Variants in DLC1 observed in about 807,000 individuals in gnomAD.
The protein encoded by DLC1 is rho GTPase-activating protein 7.
DLC1 carries 54 observed loss-of-function variants against 140.3 expected under a neutral mutation model. The ratio of observed to expected loss-of-function variants is 0.38; its 90% CI spans 0.31 to 0.48. The LOEUF (loss-of-function observed/expected upper bound fraction) is 0.48. DLC1 is among the 20% of genes least tolerant of loss of function. The probability of loss-of-function intolerance (pLI) is 0.96; values close to 1 mark genes in which losing one functional copy is unlikely to be tolerated. For missense variants in DLC1, 2,536 were observed against 1,907.0 expected (o/e 1.33, Z -6.14); for synonymous variants, 986 against 728.1 (o/e 1.35, Z -5.70).
In DLC1 at chr8:13,538,489, G is replaced by A. The variant is rs141411152; in HGVS notation, c.-125-38293C>T. Reference sequence around the variant, plus strand: ...TTCGAAGACGAGCAGATATGATGCCGAGATAAGCTGTGTCTCCTCTTGTTC... The same window carrying A: ...TTCGAAGACGAGCAGATATGATGCCAAGATAAGCTGTGTCTCCTCTTGTTC... On this transcript the variant is annotated intron_variant, in intron 1 of 1. Transcript: ENST00000631382. 5.5e-4 allele frequency among the ~76,000 whole-genome samples: 84 copies of A among 152,130 alleles called. 1 individual carries two copies. The East Asian group carries it at 0.015, about 26-fold the overall frequency.
intron 2 of DLC1, among the ~76,000 whole-genome samples, chr8:13,447,938 A>C (rs1029147293): frequency 6.6e-6 from 1 of 152,220 alleles, no homozygotes; most frequent in Non-Finnish European, 1.5e-5. Flanking sequence ...GAGGCTCTGA[A>C]AAATTTAGGA....
intron 5 of DLC1, among the ~76,000 whole-genome samples, chr8:13,171,079 A>C (rs1173383969): frequency 2.0e-5 from 3 of 152,196 alleles, no homozygotes; most frequent in Non-Finnish European, 4.4e-5. Flanking sequence ...AGAGAAACTA[A>C]ATTGCTAAAC....
chr8:13,522,880 T>C (rs1802805989), intron 1 of DLC1, among the ~76,000 whole-genome samples: 1 of 151,968 alleles, frequency 6.6e-6, no homozygotes. Context: ...ATAGATATCT[T>C]GGGTCACAGA....
chr8:13,519,154 G>C (rs982376081), upstream of DLC1, among the ~76,000 whole-genome samples: 1 of 123,980 alleles, frequency 8.1e-6, no homozygotes, highest in South Asian at 2.6e-4. Context: ...CCCAGATGTA[G>C]TCTCACTCTG....
chr8:13,253,962 A>G (rs1830110826), intron 5 of DLC1, among the ~76,000 whole-genome samples: 1 of 152,202 alleles, frequency 6.6e-6, no homozygotes, highest in Non-Finnish European at 1.5e-5. Flanking sequence ...TAGAGTAACC[A>G]TCTAACGTTT....
chr8:13,401,436 C>G (rs777099508), intron 3 of DLC1, 34 bp downstream of exon 3: 1 of 1,608,610 alleles, frequency 6.2e-7, no homozygotes, highest in African/African-American at 1.3e-5. Flanking sequence ...GTTACGACTC[C>G]TATGGGAAAA....
At chr8:13,471,255 T>C (rs535911187) in intron 2 of DLC1, among the ~76,000 whole-genome samples, 4 of 151,552 alleles carry the variant, frequency 2.6e-5, no homozygotes, top group South Asian at 2.1e-4. Context: ...TAGTTAACGA[T>C]ACTGAATTGT....
chr8:13,207,790 C>T (rs1585911690), intron 5 of DLC1, among the ~76,000 whole-genome samples: 1 of 152,134 alleles, frequency 6.6e-6, no homozygotes, highest in Non-Finnish European at 1.5e-5. Flanking sequence ...GTGCTGCTAA[C>T]ATCCCATGAT....
intron 4 of DLC1, among the ~76,000 whole-genome samples, chr8:13,350,677 C>T (rs1487145119): frequency 6.6e-6 from 1 of 152,018 alleles, no homozygotes; most frequent in Non-Finnish European, 1.5e-5. Context: ...GATGGCACCA[C>T]TGCACTCCAG....
chr8:13,157,870 C>T (rs1824372597), intron 5 of DLC1, among the ~76,000 whole-genome samples: 1 of 152,194 alleles, frequency 6.6e-6, no homozygotes, highest in Admixed American at 6.5e-5. Flanking sequence ...CTATTTACCA[C>T]ACAACATGCT....
chr8:13,208,461 A>G (rs766859354), intron 5 of DLC1, among the ~76,000 whole-genome samples: 8 of 152,204 alleles, frequency 5.3e-5, no homozygotes, highest in Non-Finnish European at 1.0e-4. Context: ...GTTTACCAGT[A>G]GAAACTATTC....
chr8:13,291,837 G>T (rs953613415), intron 5 of DLC1, among the ~76,000 whole-genome samples: 2 of 152,140 alleles, frequency 1.3e-5, no homozygotes, highest in African/African-American at 4.8e-5. Flanking sequence ...TGAAGTCATG[G>T]GAAATAATAG....
At chr8:13,109,185 C>T (rs757921126) in intron 7 of DLC1, among the ~76,000 whole-genome samples, 65 of 152,166 alleles carry the variant, frequency 4.3e-4, no homozygotes, top group Non-Finnish European at 7.2e-4. Context: ...GAAAACAGAA[C>T]TACCACTGCT....
At chr8:13,603,612 G>C (rs12548653) in intron 1 of DLC1, among the ~76,000 whole-genome samples, 2 of 151,774 alleles carry the variant, frequency 1.3e-5, no homozygotes, top group Non-Finnish European at 2.9e-5. Context: ...CATCATAGTG[G>C]CAATTTAAAT....
intron 2 of DLC1, among the ~76,000 whole-genome samples, chr8:13,492,693 A>T (rs76944997): frequency 0.011 from 1,683 of 152,272 alleles, 43 homozygotes; most frequent in African/African-American, 0.037. Context: ...CACATAGGAT[A>T]GCACCTGGGA....
At chr8:13,103,204 A>G (rs918600748) in intron 7 of DLC1, among the ~76,000 whole-genome samples, 1 of 151,928 alleles carries the variant, frequency 6.6e-6, no homozygotes, top group South Asian at 2.1e-4. Context: ...CCAGCTACTC[A>G]GGAGGCTGAG....
chr8:13,581,001 T>A (rs1379366487), intron 1 of DLC1, among the ~76,000 whole-genome samples: 1 of 152,148 alleles, frequency 6.6e-6, no homozygotes, highest in East Asian at 1.9e-4. Context: ...TTATCAGCTT[T>A]CCCCCATGTA....
intron 5 of DLC1, among the ~76,000 whole-genome samples, chr8:13,121,536 C>A (rs781473647): frequency 1.3e-5 from 2 of 152,018 alleles, no homozygotes; most frequent in Non-Finnish European, 2.9e-5. Context: ...GCAGGCATTG[C>A]GCTGGGGAGT....
chr8:13,267,024 A>C (rs958275841), intron 5 of DLC1, among the ~76,000 whole-genome samples: 7 of 152,196 alleles, frequency 4.6e-5, no homozygotes, highest in Non-Finnish European at 1.0e-4. Flanking sequence ...CGAGCTACAC[A>C]TGAGTTGACA....
Sources: gnomAD v4.1 joint callset for allele counts (sites outside exome capture counted in the v4.1 genomes callset) on GRCh38, gnomAD v4.1.1 for gene constraint, MANE v1.5 for transcripts, NCBI Gene and HGNC (gene_info 2026-07-23, HGNC 2026-07-21) for gene names.